Variants in RIMS2 observed in about 807,000 individuals in gnomAD.
RIMS2 encodes the protein regulating synaptic membrane exocytosis 2, also known as regulating synaptic membrane exocytosis protein 2.
RIMS2 carries 59 observed loss-of-function variants against 174.4 expected under a neutral mutation model. The ratio of observed to expected loss-of-function variants is 0.34; its 90% CI spans 0.27 to 0.42. The LOEUF (loss-of-function observed/expected upper bound fraction) is 0.42, where lower values mean the gene tolerates loss of function less well. RIMS2 is among the 10% of genes least tolerant of loss of function. The pLI is 1.00. For synonymous variants in RIMS2, 606 were observed against 572.5 expected (o/e 1.06, Z -0.84); for missense variants, 1,620 against 1,666.3 (o/e 0.97, Z 0.48).
intron 16 of RIMS2, among the ~76,000 whole-genome samples, chr8:103,981,244 A>G (rs1167242708): frequency 1.3e-5 from 2 of 152,184 alleles, no homozygotes; most frequent in African/African-American, 4.8e-5. Context: ...AGAGAGAAAG[A>G]GACTCCATTT....
chr8:103,925,510 C>T (rs1352168400), intron 10 of RIMS2, among the ~76,000 whole-genome samples: 1 of 151,316 alleles, frequency 6.6e-6, no homozygotes, highest in Non-Finnish European at 1.5e-5. Flanking sequence ...AAGGAATGTT[C>T]TAAAGATAGT....
At chr8:104,157,270 A>G (rs2098730574) in intron 19 of RIMS2, among the ~76,000 whole-genome samples, 1 of 152,234 alleles carries the variant, frequency 6.6e-6, no homozygotes, top group Non-Finnish European at 1.5e-5. Context: ...TAGGCTCGGC[A>G]TGTAGCTAAG....
chr8:103,906,768 C>G (rs1355425783), intron 4 of RIMS2, among the ~76,000 whole-genome samples: 2 of 152,110 alleles, frequency 1.3e-5, no homozygotes, highest in African/African-American at 2.4e-5. Flanking sequence ...TGTTTTATCT[C>G]TAGTGCACAG....
chr8:103,750,966 CG>C (rs1334499610), intron 2 of RIMS2, among the ~76,000 whole-genome samples: 1 of 152,054 alleles, frequency 6.6e-6, no homozygotes, highest in Non-Finnish European at 1.5e-5. Context: ...AGGTCTTTCT[CG>C]TGTTGTTCTC....
chr8:103,611,962 TTTTTTA>T (rs1387084553), intron 1 of RIMS2, among the ~76,000 whole-genome samples: 5 of 102,278 alleles, frequency 4.9e-5, no homozygotes, highest in African/African-American at 1.7e-4. Flanking sequence ...TACTTCATTG[TTTTTTA>T]TTTTTTTTCT....
At chr8:103,506,070 T>C (rs1165805319) in intron 1 of RIMS2, among the ~76,000 whole-genome samples, 1 of 152,126 alleles carries the variant, frequency 6.6e-6, no homozygotes, top group Non-Finnish European at 1.5e-5. Context: ...AAAGTACCAA[T>C]TGAATCATGA....
chr8:104,100,885 CAT>C (rs1336966276), intron 19 of RIMS2, among the ~76,000 whole-genome samples: 1 of 131,400 alleles, frequency 7.6e-6, no homozygotes, highest in East Asian at 2.1e-4. Flanking sequence ...TAATATATAT[CAT>C]ATTGTATATG....
intron 1 of RIMS2, among the ~76,000 whole-genome samples, chr8:103,658,662 C>A (rs1290354199): frequency 6.6e-6 from 1 of 152,144 alleles, no homozygotes; most frequent in Non-Finnish European, 1.5e-5. Context: ...AACATGAATT[C>A]AAGGGTCAAC....
chr8:103,870,135 G>GTT (rs35075712), intron 3 of RIMS2, among the ~76,000 whole-genome samples: 6 of 144,362 alleles, frequency 4.2e-5, no homozygotes, highest in Admixed American at 7.0e-5. Context: ...AAGGACAGCT[G>GTT]TTTTTTTTTT....
At chr8:103,846,074 C>T (rs1288688571) in intron 3 of RIMS2, among the ~76,000 whole-genome samples, 1 of 152,046 alleles carries the variant, frequency 6.6e-6, no homozygotes, top group Non-Finnish European at 1.5e-5. Context: ...CAATTTCTGC[C>T]CAATTGACTG....
chr8:103,925,712 A>T (rs1161550145), intron 10 of RIMS2, among the ~76,000 whole-genome samples: 1 of 151,598 alleles, frequency 6.6e-6, no homozygotes, highest in East Asian at 1.9e-4. Flanking sequence ...TATCTGAAAT[A>T]TCCATAGAGA....
At chr8:104,164,265 T>C (rs2098782855) in intron 19 of RIMS2, among the ~76,000 whole-genome samples, 1 of 152,216 alleles carries the variant, frequency 6.6e-6, no homozygotes, top group South Asian at 2.1e-4. Flanking sequence ...TCATTTAACC[T>C]GTCAGTTGTG....
intron 1 of RIMS2, among the ~76,000 whole-genome samples, chr8:103,587,432 GA>G (rs1444723639): frequency 8.3e-6 from 1 of 119,928 alleles, no homozygotes; most frequent in African/African-American, 3.2e-5. Context: ...AAGAAAGAAA[GA>G]AAGAAAGAAA....
intron 3 of RIMS2, among the ~76,000 whole-genome samples, chr8:103,784,936 T>TG (rs1278787303): frequency 7.2e-6 from 1 of 139,768 alleles, no homozygotes. Context: ...GTATCCTCTT[T>TG]TATTTCGTTG....
At chr8:103,937,867 A>C (rs17817357) in intron 13 of RIMS2, among the ~76,000 whole-genome samples, 58,088 of 152,054 alleles carry the variant, frequency 0.38, 11,812 homozygotes, top group Non-Finnish European at 0.44. Flanking sequence ...ATAACCAATT[A>C]TCTCTTTCCC....
chr8:103,649,545 G>C (rs374877518), intron 1 of RIMS2, among the ~76,000 whole-genome samples: 19 of 151,940 alleles, frequency 1.3e-4, no homozygotes, highest in African/African-American at 4.6e-4. Flanking sequence ...TTTGCAACTT[G>C]GTTCCATTCT....
chr8:104,084,437 C>CAAAAAAAAAA (rs34285862), intron 19 of RIMS2, among the ~76,000 whole-genome samples: 2 of 76,684 alleles, frequency 2.6e-5, no homozygotes, highest in East Asian at 4.7e-4. Flanking sequence ...GACTCTGTCT[C>CAAAAAAAAAA]AAAAAAAAAA....
At chr8:103,943,852 A>C (rs1595585512) in intron 14 of RIMS2, among the ~76,000 whole-genome samples, 1 of 152,186 alleles carries the variant, frequency 6.6e-6, no homozygotes, top group Admixed American at 6.5e-5. Context: ...ATTGACATTA[A>C]CCAAATTTTA....
rs73282832 is a variant in RIMS2 at position 103,502,023 on chromosome 8, T to C, written c.176+961T>C. The stretch of plus-strand genomic sequence containing the variant: ...TTTTGAATGTTTTATGGTTATTTGA[T>C]TTCTCAGTTACTTTGTGAAAGAGGT... On this transcript the variant is annotated intron_variant, in intron 1 of 23. Transcript: ENST00000504942. 5.0e-3 allele frequency among the ~76,000 whole-genome samples: 761 copies of C among 152,364 alleles called. 8 individuals are homozygous for C. The highest frequency in any genetic ancestry group is 0.017 in the African/African-American group (721 of 41,586).
Sources: allele counts gnomAD v4.1 joint callset (sites outside exome capture counted in the v4.1 genomes callset), GRCh38; gene constraint gnomAD v4.1.1; transcripts MANE v1.5; gene names NCBI Gene and HGNC (gene_info 2026-07-23, HGNC 2026-07-21).